Variants in SDK2 observed in about 807,000 individuals in gnomAD.
SDK2 encodes protein sidekick-2.
A neutral mutation model predicts 253.9 loss-of-function variants in SDK2; 105 were observed. The ratio of observed to expected loss-of-function variants is 0.41; its 90% CI spans 0.35 to 0.49. SDK2 has a LOEUF of 0.49. Among genes scored for constraint, SDK2 ranks in the 20% least tolerant of loss-of-function variants. The pLI, the probability that SDK2 is intolerant of heterozygous loss-of-function variation, is 0.06. For synonymous variants in SDK2, 1,249 were observed against 1,234.9 expected, an observed-to-expected ratio of 1.01 and a Z score of -0.24; for missense variants, 2,608 against 3,003.0, an observed-to-expected ratio of 0.87 and a Z score of 3.07.
chr17:73,408,485 A>G (rs1452013253), intron 18 of SDK2, among the ~76,000 whole-genome samples: 2 of 152,070 alleles, frequency 1.3e-5, no homozygotes, highest in Non-Finnish European at 2.9e-5. Context: ...TGGCCTCCCA[A>G]AGTGTTGGGA....
intron 30 of SDK2, 39 bp downstream of exon 30, chr17:73,387,797 G>C: frequency 1.3e-6 from 2 of 1,498,552 alleles, no homozygotes; most frequent in African/African-American, 1.4e-5. Flanking sequence ...CCGGCGGGGA[G>C]AGGGGCAGTG....
In SDK2 at chr17:73,441,520, C is replaced by G. The variant is rs539180153; in HGVS notation, c.614-597G>C. Among the ~76,000 whole-genome samples, 16 of 152,290 alleles carry G rather than the reference C, an allele frequency of 1.1e-4. No individual in the cohort carries two copies. The South Asian group carries it at 2.7e-3, about 26-fold the overall frequency. On this transcript the variant is annotated intron_variant, in intron 5 of 44. Transcript: ENST00000392650. ...TTGTAAGAAGAGGGAAATTGAGACA[C>G]AGATGCACAGCCTGGAAGACTCTGT... is the stretch of plus-strand genomic sequence containing the variant.
chr17:73,635,810 T>A (rs575696636), intron 1 of SDK2, among the ~76,000 whole-genome samples: 1 of 151,810 alleles, frequency 6.6e-6, no homozygotes, highest in Non-Finnish European at 1.5e-5. Context: ...CCAAATGACC[T>A]TAAGGGAACT....
At chr17:73,340,788 G>A (rs2062429410) in intron 44 of SDK2, among the ~76,000 whole-genome samples, 1 of 111,016 alleles carries the variant, frequency 9.0e-6, no homozygotes, top group Admixed American at 1.5e-4. Flanking sequence ...TTGTCGTCCA[G>A]GCTTGAGTGC....
At chr17:73,485,437 A>G (rs747368090) in intron 2 of SDK2, among the ~76,000 whole-genome samples, 2 of 152,168 alleles carry the variant, frequency 1.3e-5, no homozygotes, top group African/African-American at 2.4e-5. Flanking sequence ...CCTGGCTGGG[A>G]TAACGGGGAG....
At position 73,548,703 on chromosome 17, in the gene SDK2, T is replaced by G. The variant is rs553430129; in HGVS notation, c.65-41106A>C. 9.4e-3 allele frequency among the ~76,000 whole-genome samples: 1,429 copies of G among 152,308 alleles called. 15 individuals carry two copies. The highest frequency in any genetic ancestry group is 0.017 in the Non-Finnish European group (1,160 of 68,008). On this transcript the variant is annotated intron_variant, in intron 1 of 44. Transcript: ENST00000392650. ...TCTCCTCCCTGGGGAGGAAATGACC[T>G]TGGGCACTGCCCAGTCCTTGCACAC...
intron 1 of SDK2, among the ~76,000 whole-genome samples, chr17:73,637,930 AGAGCT>A (rs200432593): frequency 0.012 from 1,767 of 152,354 alleles, 20 homozygotes; most frequent in Middle Eastern, 0.044. Context: ...AGAATCAGGA[AGAGCT>A]GGGAAAATGA....
chr17:73,377,623 G>T (rs1382692781), intron 36 of SDK2, among the ~76,000 whole-genome samples: 1 of 149,480 alleles, frequency 6.7e-6, no homozygotes, highest in African/African-American at 2.5e-5. Flanking sequence ...ATCTGACTCT[G>T]CTGCCTGCTT....
At chr17:73,561,707 G>A (rs933142820) in intron 1 of SDK2, among the ~76,000 whole-genome samples, 4 of 152,192 alleles carry the variant, frequency 2.6e-5, no homozygotes, top group African/African-American at 7.2e-5. Flanking sequence ...ACTCCTGTAC[G>A]GCCTCCCCTG....
chr17:73,540,215 C>T (rs761069945), intron 1 of SDK2, among the ~76,000 whole-genome samples: 26 of 152,176 alleles, frequency 1.7e-4, no homozygotes, highest in Non-Finnish European at 4.4e-5. Context: ...CTCAGAGCCT[C>T]CGAGGGAGCA....
At position 73,498,951 on chromosome 17, in the gene SDK2, C is replaced by T. The variant is rs552432784; in HGVS notation, c.224+8487G>A. ...GGCTGTGTGACCTTGGGTAGGTTGC[C>T]GAACCTCTCTGAGCTGTGAATTCTA... is the stretch of plus-strand genomic sequence containing the variant. On this transcript the variant is annotated intron_variant, in intron 2 of 44. Coordinates refer to ENST00000392650, the MANE Select transcript of SDK2 (RefSeq NM_001144952.2). Among the ~76,000 whole-genome samples the T allele has an allele frequency of 2.9e-4, 44 of 152,266 alleles. No individual in the cohort carries two copies. The South Asian group carries it at 6.2e-3, about 22-fold the overall frequency.
At chr17:73,611,222 ACT>A (rs148784352) in intron 1 of SDK2, among the ~76,000 whole-genome samples, 7 of 149,608 alleles carry the variant, frequency 4.7e-5, no homozygotes, top group Admixed American at 1.3e-4. Context: ...CTTTTATCCC[ACT>A]CTCTCTCTCT....
At position 73,339,233 on chromosome 17, in the gene SDK2, TTG is replaced by T. The variant is rs1269872121; in HGVS notation, c.6166-295_6166-294del. Among the ~76,000 whole-genome samples the T allele has an allele frequency of 5.6e-4, 79 of 140,296 alleles. 4 individuals carry two copies. The highest frequency in any genetic ancestry group is 6.6e-4 in the African/African-American group (26 of 39,576). The allele number at this position is 140,296 out of a possible 152,430, so 92.0% of individuals were successfully genotyped here. A position where few individuals can be genotyped will look rare whatever the true frequency, so the allele number is the denominator to read the frequency against. ...CCTGAGTTTTTTTTTGTTTTTGTTTTTGTTTTTTTTTTTTGAGACAGAATCTC... is the reference window on the plus strand; with the variant it reads ...CCTGAGTTTTTTTTTGTTTTTGTTTTTTTTTTTTTTTTGAGACAGAATCTC... On this transcript the variant is annotated intron_variant, in intron 44 of 44. Coordinates refer to ENST00000392650, the MANE Select transcript of SDK2 (RefSeq NM_001144952.2).
Position 73,455,733 on chromosome 17 carries a change from G to T in SDK2, c.479+173C>A, listed in dbSNP as rs1037699489. Among the ~76,000 whole-genome samples the T allele has an allele frequency of 6.6e-6, 1 of 152,218 alleles. No homozygotes were observed. The highest frequency in any genetic ancestry group is 1.5e-5 in the Non-Finnish European group (1 of 68,028). On this transcript the variant is annotated intron_variant, in intron 4 of 44. Transcript: ENST00000392650. This position sits in a 1 kb window ranked among gnomAD's most constrained non-coding sequence, Gnocchi z 5.0. ...GTTTCATGGTCCCAAGTCCTTGCCT[G>T]TGCATCCTAAGAAAGCCCCTGGGAG... is the stretch of plus-strand genomic sequence containing the variant.
In SDK2 at chr17:73,483,694, TATATATATATATA is replaced by T. The variant is rs1397862989; in HGVS notation, c.225-11489_225-11477del. On this transcript the variant is annotated intron_variant, in intron 2 of 44. Coordinates refer to ENST00000392650, the MANE Select transcript of SDK2 (RefSeq NM_001144952.2). ...ATATATATATATATTTATATATATA[TATATATATATATA>T]TTTTTTTTTTTTTTTAGTAGAGTTG... is the stretch of plus-strand genomic sequence containing the variant. Among the ~76,000 whole-genome samples, 583 of 82,658 alleles carry T rather than the reference TATATATATATATA, an allele frequency of 7.1e-3. 37 individuals are homozygous for T. Among genetic ancestry groups the T allele is most frequent in the East Asian group, 0.033 (92 of 2,768 alleles). The allele number at this position is 82,658 out of a possible 152,430, so 54.2% of individuals were successfully genotyped here.
At chr17:73,419,583 T>A (rs2063211183) in intron 15 of SDK2, among the ~76,000 whole-genome samples, 1 of 151,884 alleles carries the variant, frequency 6.6e-6, no homozygotes, top group Non-Finnish European at 1.5e-5. Context: ...TTTTAAAAAC[T>A]ATAAGGCCAG....
chr17:73,427,642 C>CAAAAAAAAA (rs9302965), intron 12 of SDK2, among the ~76,000 whole-genome samples: 14 of 105,794 alleles, frequency 1.3e-4, no homozygotes, highest in South Asian at 3.6e-4. Context: ...CATCCACATG[C>CAAAAAAAAA]AAAAAAAAAA....
chr17:73,348,739 G>T lies in SDK2; in HGVS notation c.6039-14C>A. 2 of 1,601,200 alleles carry T rather than the reference G, an allele frequency of 1.2e-6. No individual in the cohort carries two copies. The highest frequency in any genetic ancestry group is 1.1e-5 in the South Asian group (1 of 90,766). ...CTGGGGGGAGACCTGGAGAGAGCGG[G>T]GGAGTGGGGCCGAGAGGTGCACTCA... On this transcript the variant is annotated splice_polypyrimidine_tract_variant and intron_variant, in intron 43 of 44. Coordinates refer to ENST00000392650, the MANE Select transcript of SDK2 (RefSeq NM_001144952.2).
Position 73,352,417 on chromosome 17 carries a change from C to T in SDK2, c.5758+56G>A. 1 of 1,562,100 alleles carries T rather than the reference C, an allele frequency of 6.4e-7. No individual in the cohort carries two copies. The highest frequency in any genetic ancestry group is 1.9e-5 in the Admixed American group (1 of 53,210). ...CTCCTCCTTCCGCCCTGCCCAGTGT[C>T]AGCCCCCAGGCTCTGCTGTGGGGCT... On this transcript the variant is annotated intron_variant, in intron 41 of 44. Transcript: ENST00000392650. The surrounding 1 kb of genome is among the most constrained non-coding windows in gnomAD (Gnocchi z 4.1).
Sources: allele counts gnomAD v4.1 joint callset (sites outside exome capture counted in the v4.1 genomes callset), GRCh38; gene constraint gnomAD v4.1.1; non-coding constraint Gnocchi (gnomAD v3.1); transcripts MANE v1.5; gene names NCBI Gene and HGNC (gene_info 2026-07-23, HGNC 2026-07-21).